CCT6A: variants seen among roughly 807,000 people sequenced by gnomAD.
CCT6A encodes chaperonin containing TCP1 subunit 6A, also known as T-complex protein 1 subunit zeta.
CCT6A carries 6 observed loss-of-function variants against 58.6 expected under a neutral mutation model. That is an observed-to-expected ratio of 0.10 (90% CI 0.06 to 0.20). The LOEUF (loss-of-function observed/expected upper bound fraction) is 0.20. Ranked by LOEUF, CCT6A falls within the 10% of genes least tolerant of loss-of-function variation. CCT6A has a pLI of 1.00. For synonymous variants in CCT6A, 245 were observed against 227.8 expected (o/e 1.08, Z -0.68); for missense variants, 516 against 648.8 (o/e 0.80, Z 2.22).
chr7:56,052,314 G>A, intron 1 of CCT6A, 108 bp from the exon 2 acceptor site: 1 of 942,264 alleles, frequency 1.1e-6, no homozygotes, highest in Non-Finnish European at 1.7e-6. Context: ...GACATAACTA[G>A]CCCCACATCC....
rs1429507884 is a variant in CCT6A at position 56,060,308 on chromosome 7, C to T, written c.1105C>T (p.Pro369Ser). 6.2e-7 allele frequency: 1 copy of T among 1,613,356 alleles called. No individual in the cohort carries two copies. Among genetic ancestry groups the T allele is most frequent in the Non-Finnish European group, 8.5e-7 (1 of 1,179,392 alleles). The stretch of plus-strand genomic sequence containing the variant: ...TACCTTTATTGAGAAATGTAACAAC[C>T]CTCGTTCTGTCACATTATTGATCAA... ...KFTFIEKCNNPRSVTLLIKGP... is the reference protein window; with the variant it reads ...KFTFIEKCNNSRSVTLLIKGP... The change falls in exon 10 of 14, where the codon CCT becomes TCT. Residue 369 changes from proline to serine, a missense_variant. Coordinates refer to ENST00000275603, the MANE Select transcript of CCT6A (RefSeq NM_001762.4).
chr7:56,052,150 G>A (rs1794119142), intron 1 of CCT6A, among the ~76,000 whole-genome samples, 165 bp downstream of exon 1: 1 of 152,182 alleles, frequency 6.6e-6, no homozygotes, highest in Admixed American at 6.6e-5. Flanking sequence ...CACCGTCCCG[G>A]CCATTTCTTC....
At position 56,055,794 on chromosome 7, in the gene CCT6A, A is replaced by C. The variant is rs1232640115; in HGVS notation, c.507A>C (p.Thr169=). 6.2e-7 allele frequency: 1 copy of C among 1,611,964 alleles called. No homozygotes were observed. Among genetic ancestry groups the C allele is most frequent in the Non-Finnish European group, 8.5e-7 (1 of 1,178,338 alleles). ...ATGCTGAACTTGCAGATGTCTTAAC[A>C]GAGGTATGTATTAAATTTTGTCTAT... ...KVHAELADVL[T]EAVVDSILAI... Residue 169 remains threonine, a synonymous_variant, in exon 4 of 14, where the codon ACA becomes ACC. Transcript: ENST00000275603.
rs767176584 is a variant in CCT6A at position 56,058,643 on chromosome 7, T to C, written c.909T>C (p.Asp303=). The C allele has an allele frequency of 2.6e-5, 42 of 1,606,760 alleles. No individual in the cohort carries two copies. The highest frequency in any genetic ancestry group is 3.5e-5 in the Non-Finnish European group (41 of 1,173,936). Residue 303 remains aspartate, a synonymous_variant, in exon 8 of 14, where the codon GAT becomes GAC. Coordinates refer to ENST00000275603, the MANE Select transcript of CCT6A (RefSeq NM_001762.4). The part of the protein sequence containing the change: ...NQKGIDPFSL[D]ALSKEGIVAL... The stretch of plus-strand genomic sequence containing the variant: ...AGGGAATTGACCCCTTTTCCTTAGA[T>C]GCTCTTTCAAAAGAAGGCATAGTTG...
chr7:56,052,344 G>A (rs1467911741), intron 1 of CCT6A, 78 bp from the exon 2 acceptor site: 2 of 1,365,890 alleles, frequency 1.5e-6, no homozygotes, highest in African/African-American at 2.9e-5. Flanking sequence ...TAAAATCTGG[G>A]AAAAGCCCGT....
intron 13 of CCT6A, 69 bp from the exon 14 acceptor site, chr7:56,062,944 G>A: frequency 7.7e-7 from 1 of 1,295,662 alleles, no homozygotes; most frequent in Non-Finnish European, 1.1e-6. Context: ...AGCTTGGTTG[G>A]AAGTGGGAAG....
chr7:56,062,439 T>G (rs1466329807), intron 12 of CCT6A, among the ~76,000 whole-genome samples: 1 of 152,238 alleles, frequency 6.6e-6, no homozygotes, highest in African/African-American at 2.4e-5. Context: ...TACTTCAGTA[T>G]GAGTAAACAG....
intron 2 of CCT6A, among the ~76,000 whole-genome samples, chr7:56,053,053 C>A (rs1794211176): frequency 6.6e-6 from 1 of 152,180 alleles, no homozygotes; most frequent in South Asian, 2.1e-4. Context: ...ATCAGCCTCC[C>A]AAAGTGCTGG....
intron 11 of CCT6A, among the ~76,000 whole-genome samples, chr7:56,061,505 G>A (rs1408327280): frequency 4.0e-5 from 6 of 149,126 alleles, no homozygotes; most frequent in South Asian, 2.1e-4. Flanking sequence ...CACCACACCC[G>A]GCCAGGTTTT....
chr7:56,054,022 T>TA (rs1280329871), intron 2 of CCT6A, among the ~76,000 whole-genome samples: 1 of 152,070 alleles, frequency 6.6e-6, no homozygotes, highest in Non-Finnish European at 1.5e-5. Context: ...CTTTAGGAGA[T>TA]ACCTGGCTTA....
chr7:56,058,952 T>C, intron 8 of CCT6A: 1 of 283,130 alleles, frequency 3.5e-6, no homozygotes, highest in East Asian at 6.2e-5. Flanking sequence ...ATTTTACTTT[T>C]TGTTTCTGAA....
rs184884029 is a variant in CCT6A, at chr7:56,057,239, A to T, written c.615-754A>T. On this transcript the variant is annotated intron_variant, in intron 5 of 13. Transcript: ENST00000275603. ...TTAGAATGATTCTGAAAAGTGAACA[A>T]CATCAGTCATTTGGCATTTATTGAA... Among the ~76,000 whole-genome samples, 182 of 152,348 alleles carry T rather than the reference A, an allele frequency of 1.2e-3. 1 individual carries two copies. The highest frequency in any genetic ancestry group is 3.4e-3 in the Middle Eastern group (1 of 294).
rs1395140940 is a variant in CCT6A, at chr7:56,051,872, C to T, written c.24C>T (p.Asn8=). ...CTATGGCGGCGGTGAAGACCCTGAA[C>T]CCCAAGGCCGAGGTGGCCCGAGCGC... MAAVKTL[N]PKAEVARAQA... Residue 8 remains asparagine, a synonymous_variant, in exon 1 of 14, where the codon AAC becomes AAT. Transcript: ENST00000275603. The T allele has an allele frequency of 6.4e-7, 1 of 1,561,124 alleles. No individual in the cohort carries two copies. Among genetic ancestry groups the T allele is most frequent in the Non-Finnish European group, 8.7e-7 (1 of 1,153,390 alleles).
chr7:56,054,200 A>G (rs767943454), intron 2 of CCT6A, among the ~76,000 whole-genome samples, 169 bp from the exon 3 acceptor site: 19 of 152,372 alleles, frequency 1.2e-4, no homozygotes, highest in Non-Finnish European at 2.6e-4. Context: ...AGACGTTTCA[A>G]TCATTATAAT....
chr7:56,058,745 G>A (rs770416172), intron 8 of CCT6A, 43 bp downstream of exon 8: 1 of 1,178,734 alleles, frequency 8.5e-7, no homozygotes, highest in Non-Finnish European at 1.2e-6. Context: ...CAAGTGAATT[G>A]GGATTATTTC....
At position 56,051,838 on chromosome 7, in the gene CCT6A, C is replaced by G; in HGVS notation, c.-11C>G. ...CTCAGCATCGTTTCCTTTTCCTCCG[C>G]TGGAGCAGCTATGGCGGCGGTGAAG... On this transcript the variant is annotated 5_prime_UTR_variant, in exon 1 of 14. Transcript: ENST00000275603. 1 of 1,555,694 alleles carries G rather than the reference C, an allele frequency of 6.4e-7. No homozygotes were observed. The highest frequency in any genetic ancestry group is 1.2e-5 in the South Asian group (1 of 84,500).
chr7:56,061,897 T>C (rs764869918), intron 12 of CCT6A, 48 bp downstream of exon 12: 4 of 1,038,198 alleles, frequency 3.9e-6, no homozygotes, highest in Non-Finnish European at 5.8e-6. Context: ...GTAATACGTG[T>C]GAGTTGAAGC....
chr7:56,052,750 A>G (rs75356442), intron 2 of CCT6A, among the ~76,000 whole-genome samples: 2,639 of 151,306 alleles, frequency 0.017, 53 homozygotes, highest in Admixed American at 0.046. Context: ...GGTTGACACA[A>G]TCACATGGGC....
intron 3 of CCT6A, among the ~76,000 whole-genome samples, chr7:56,054,940 A>G (rs986349459): frequency 6.6e-6 from 1 of 152,208 alleles, no homozygotes; most frequent in Non-Finnish European, 1.5e-5. Context: ...CTTTATTTTT[A>G]TTAGTAAATG....
Sources: allele counts gnomAD v4.1 joint callset (sites outside exome capture counted in the v4.1 genomes callset), GRCh38; gene constraint gnomAD v4.1.1; transcripts MANE v1.5; gene names NCBI Gene and HGNC (gene_info 2026-07-23, HGNC 2026-07-21).